The following SH3GL2 variants were observed in gnomAD, a reference collection of about 807,000 sequenced individuals.
SH3GL2 encodes the protein SH3 domain containing GRB2 like 2, endophilin A1, also known as endophilin-A1.
A neutral mutation model predicts 46.0 loss-of-function variants in SH3GL2; 24 were observed. The ratio of observed to expected loss-of-function variants is 0.52; its 90% confidence interval spans 0.38 to 0.73. The LOEUF (loss-of-function observed/expected upper bound fraction) is 0.73. Among genes scored for constraint, SH3GL2 ranks in the 30% least tolerant of loss-of-function variants. The pLI is 0.00. For missense variants in SH3GL2, 413 were observed against 424.2 expected, an observed-to-expected ratio of 0.97 and a Z score of 0.23; for synonymous variants, 196 against 147.1, an observed-to-expected ratio of 1.33 and a Z score of -2.40.
At chr9:17,616,880 G>A (rs1188145655) in intron 1 of SH3GL2, among the ~76,000 whole-genome samples, 1 of 152,164 alleles carries the variant, frequency 6.6e-6, no homozygotes, top group East Asian at 1.9e-4. Context: ...AGTCAGCGTA[G>A]TATAAAAGGT....
intron 1 of SH3GL2, among the ~76,000 whole-genome samples, chr9:17,734,003 A>G (rs935379450): frequency 3.3e-5 from 5 of 152,092 alleles, no homozygotes; most frequent in African/African-American, 1.2e-4. Context: ...AACTCTGGTA[A>G]CATGAGTTGA....
chr9:17,693,895 T>G (rs1328420013), intron 1 of SH3GL2, among the ~76,000 whole-genome samples: 2 of 152,190 alleles, frequency 1.3e-5, no homozygotes, highest in Non-Finnish European at 2.9e-5. Flanking sequence ...TAATTTAATT[T>G]CTATTGATAA....
At position 17,668,557 on chromosome 9, in the gene SH3GL2, GT is replaced by G. The variant is rs1466410705; in HGVS notation, c.46-78503del. ...TTATCTTAATTTTGAGCTAAAGAAA[GT>G]TTTTTCCTACACTTAAGTTATGGGG... is the stretch of plus-strand genomic sequence containing the variant. On this transcript the variant is annotated intron_variant, in intron 1 of 8. Transcript: ENST00000380607. Among the ~76,000 whole-genome samples the G allele has an allele frequency of 3.9e-5, 6 of 152,270 alleles. No homozygotes were observed. The East Asian group carries it at 9.6e-4, about 24-fold the overall frequency.
chr9:17,639,317 G>A (rs1480654626), intron 1 of SH3GL2, among the ~76,000 whole-genome samples: 1 of 152,200 alleles, frequency 6.6e-6, no homozygotes, highest in African/African-American at 2.4e-5. Context: ...CTAATGAAAT[G>A]TGTGTGCTTA....
At chr9:17,597,410 G>A (rs1441647831) in intron 1 of SH3GL2, among the ~76,000 whole-genome samples, 3 of 151,952 alleles carry the variant, frequency 2.0e-5, no homozygotes, top group South Asian at 2.1e-4. Context: ...CCAGCTACTC[G>A]GGAGGCCGAG....
intron 2 of SH3GL2, among the ~76,000 whole-genome samples, chr9:17,748,038 G>C (rs1357459345): frequency 6.6e-6 from 1 of 152,100 alleles, no homozygotes; most frequent in Non-Finnish European, 1.5e-5. Context: ...TTTAGTTAAG[G>C]CTTAAAAATA....
At chr9:17,784,274 C>T (rs1823894584) in intron 3 of SH3GL2, among the ~76,000 whole-genome samples, 1 of 152,116 alleles carries the variant, frequency 6.6e-6, no homozygotes, top group Non-Finnish European at 1.5e-5. Flanking sequence ...GTTTGAAAAT[C>T]AGCCACAGTG....
chr9:17,760,066 G>C (rs1014682100), intron 2 of SH3GL2, among the ~76,000 whole-genome samples: 1 of 152,132 alleles, frequency 6.6e-6, no homozygotes, highest in African/African-American at 2.4e-5. Flanking sequence ...GTTGTGTACT[G>C]CACAACTCCA....
At chr9:17,686,524 G>C (rs1052428845) in intron 1 of SH3GL2, among the ~76,000 whole-genome samples, 8 of 147,578 alleles carry the variant, frequency 5.4e-5, no homozygotes, top group Non-Finnish European at 1.0e-4. Flanking sequence ...CAATAGCAAA[G>C]ACTTGGAACC....
intron 1 of SH3GL2, among the ~76,000 whole-genome samples, chr9:17,648,206 A>G (rs1049077680): frequency 6.6e-6 from 1 of 152,162 alleles, no homozygotes; most frequent in Non-Finnish European, 1.5e-5. Context: ...CAACTACACA[A>G]GGGGATTGAT....
At chr9:17,788,131 C>G (rs1298745108) in intron 5 of SH3GL2, among the ~76,000 whole-genome samples, 1 of 151,914 alleles carries the variant, frequency 6.6e-6, no homozygotes, top group Non-Finnish European at 1.5e-5. Flanking sequence ...ATTTGTTGAG[C>G]TTTTTTGAAA....
chr9:17,594,968 C>T (rs1158837580), intron 1 of SH3GL2, among the ~76,000 whole-genome samples: 1 of 152,180 alleles, frequency 6.6e-6, no homozygotes, highest in Non-Finnish European at 1.5e-5. Flanking sequence ...ATTTAAAGCA[C>T]ACCCTCATAA....
At chr9:17,579,312 CG>C in intron 1 of SH3GL2, 25 bp downstream of exon 1, 3 of 1,507,144 alleles carry the variant, frequency 2.0e-6, no homozygotes, top group Non-Finnish European at 1.8e-6. Context: ...AGGTGCGTCC[CG>C]GGGCAGTCCG....
chr9:17,628,906 A>C (rs1005555963), intron 1 of SH3GL2, among the ~76,000 whole-genome samples: 1 of 152,192 alleles, frequency 6.6e-6, no homozygotes, highest in African/African-American at 2.4e-5. Flanking sequence ...ACTCTAGCAC[A>C]GCATGCGGTG....
At chr9:17,757,421 G>A (rs540833790) in intron 2 of SH3GL2, among the ~76,000 whole-genome samples, 54 of 152,236 alleles carry the variant, frequency 3.5e-4, no homozygotes, top group African/African-American at 1.3e-3. Context: ...CTGACAAAGA[G>A]CTAATATCCA....
chr9:17,706,332 A>G (rs1821472994), intron 1 of SH3GL2, among the ~76,000 whole-genome samples: 1 of 152,068 alleles, frequency 6.6e-6, no homozygotes, highest in Non-Finnish European at 1.5e-5. Context: ...AATAAAGCAT[A>G]ATAGACATGA....
intron 1 of SH3GL2, among the ~76,000 whole-genome samples, chr9:17,646,701 A>G (rs1237815462): frequency 6.6e-6 from 1 of 152,140 alleles, no homozygotes; most frequent in Admixed American, 6.5e-5. Flanking sequence ...TCACCAGCGG[A>G]GTCTGCAGAA....
intron 1 of SH3GL2, among the ~76,000 whole-genome samples, chr9:17,643,403 C>T (rs1302703823): frequency 1.3e-5 from 2 of 152,072 alleles, no homozygotes; most frequent in South Asian, 2.1e-4. Context: ...TTGCCCTGGC[C>T]AGAACTTCCA....
chr9:17,792,543 CCAATTTCCTTTT>C (rs1824161694), intron 7 of SH3GL2, among the ~76,000 whole-genome samples: 1 of 152,156 alleles, frequency 6.6e-6, no homozygotes. Context: ...CCATACCTTT[CCAATTTCCTTTT>C]GTCTTCCCTC....
Sources: allele counts gnomAD v4.1 joint callset (sites outside exome capture counted in the v4.1 genomes callset), GRCh38; gene constraint gnomAD v4.1.1; transcripts MANE v1.5; gene names NCBI Gene and HGNC (gene_info 2026-07-23, HGNC 2026-07-21).